The following DMD variants were observed in gnomAD, a reference collection of about 807,000 sequenced individuals.
DMD encodes dystrophin, also known as mutant dystrophin.
DMD carries 63 observed loss-of-function variants against 330.1 expected under a neutral mutation model. The observed-to-expected ratio is 0.19, with a 90% CI of 0.16 to 0.24. The LOEUF (loss-of-function observed/expected upper bound fraction) is 0.24, where lower values mean the gene tolerates loss of function less well. Among genes scored for constraint, DMD ranks in the 10% least tolerant of loss-of-function variants. The pLI, the probability that DMD is intolerant of heterozygous loss-of-function variation, is 1.00. For synonymous variants in DMD, 1,223 were observed against 959.8 expected, an observed-to-expected ratio of 1.27 and a Z score of -5.07; for missense variants, 3,344 against 2,684.1, an observed-to-expected ratio of 1.25 and a Z score of -5.43.
intron 62 of DMD, among the ~76,000 whole-genome samples, chrX:31,311,058 G>A (rs1396958871): frequency 3.6e-5 from 4 of 111,696 alleles, no homozygotes; most frequent in Non-Finnish European, 7.5e-5. Context: ...ATATCATTCT[G>A]CAATAAGAAT....
In DMD at chrX:32,586,406, G is replaced by A. The variant is rs1329831662; in HGVS notation, c.1602+9351C>T. Among the ~76,000 whole-genome samples the A allele has an allele frequency of 3.7e-5, 4 of 108,159 alleles. No individual in the cohort carries two copies. In the East Asian group the frequency reaches 1.2e-3, roughly 31 times the overall value. The allele number at this position is 108,159 out of a possible 115,157, so 93.9% of individuals were successfully genotyped here. ...TGTTCTAGAAGAGAAAAATATTTAT[G>A]TACTAATGCAATTGAGTGGGACAGG... On this transcript the variant is annotated intron_variant, in intron 13 of 78. Transcript: ENST00000357033.
At chrX:31,309,386 T>C (rs1471825407) in intron 62 of DMD, among the ~76,000 whole-genome samples, 2 of 112,222 alleles carry the variant, frequency 1.8e-5, no homozygotes, top group Non-Finnish European at 3.8e-5. Context: ...GGTAGACATG[T>C]ATAACTGTTA....
At chrX:31,754,842 A>C (rs2088918894) in intron 51 of DMD, among the ~76,000 whole-genome samples, 2 of 111,537 alleles carry the variant, frequency 1.8e-5, no homozygotes, top group African/African-American at 6.5e-5. Context: ...AATTGACACC[A>C]AATGGTTGCC....
At chrX:32,710,987 A>C (rs1372018290) in intron 7 of DMD, among the ~76,000 whole-genome samples, 2 of 111,829 alleles carry the variant, frequency 1.8e-5, no homozygotes, top group African/African-American at 6.5e-5. Flanking sequence ...CTAATATATA[A>C]CTATAATATG....
At position 31,852,620 on chromosome X, in the gene DMD, C is replaced by T. The variant is rs374740381; in HGVS notation, c.7099-15801G>A. 8.1e-5 allele frequency among the ~76,000 whole-genome samples: 9 copies of T among 111,337 alleles called. No individual in the cohort carries two copies. The East Asian group carries it at 2.5e-3, about 31-fold the overall frequency. The stretch of plus-strand genomic sequence containing the variant: ...TGGCCTTTTAAAGAAAAAAGTTGGC[C>T]AACACTGATGTAGAGAAACGGTTAG... On this transcript the variant is annotated intron_variant, in intron 48 of 78. Coordinates refer to ENST00000357033, the MANE Select transcript of DMD (RefSeq NM_004006.3).
intron 30 of DMD, among the ~76,000 whole-genome samples, chrX:32,398,283 T>C (rs2098060761): frequency 1.1e-5 from 1 of 90,423 alleles, no homozygotes; most frequent in Admixed American, 1.3e-4. Context: ...CCAAGTAGAG[T>C]TACTTAGAAA....
intron 1 of DMD, among the ~76,000 whole-genome samples, chrX:33,069,770 T>C (rs2094717698): frequency 8.9e-6 from 1 of 111,790 alleles, no homozygotes; most frequent in Non-Finnish European, 1.9e-5. Flanking sequence ...GGGCTAAGTA[T>C]TATGGTTAAG....
chrX:33,230,805 C>T (rs189463639), intron 1 of DMD, among the ~76,000 whole-genome samples: 12 of 111,054 alleles, frequency 1.1e-4, no homozygotes, highest in African/African-American at 3.3e-4. Context: ...GCCACTTAAC[C>T]AACGTGCTAA....
At chrX:32,750,484 A>G (rs1248303700) in intron 7 of DMD, among the ~76,000 whole-genome samples, 1 of 111,691 alleles carries the variant, frequency 9.0e-6, no homozygotes, top group Non-Finnish European at 1.9e-5. Flanking sequence ...AATTTATAAC[A>G]GATTGCTATA....
intron 1 of DMD, among the ~76,000 whole-genome samples, chrX:33,264,460 T>C (rs757130578): frequency 9.0e-6 from 1 of 110,802 alleles, no homozygotes; most frequent in South Asian, 3.8e-4. Context: ...CTTTCAGTTT[T>C]TACCGCCTAA....
chrX:32,318,660 A>C (rs1165169374), intron 41 of DMD, among the ~76,000 whole-genome samples: 2 of 111,797 alleles, frequency 1.8e-5, no homozygotes, highest in East Asian at 5.6e-4. Context: ...TGTCCATCTC[A>C]GAATAATTAT....
intron 60 of DMD, among the ~76,000 whole-genome samples, chrX:31,370,067 C>G (rs1174351072): frequency 2.1e-5 from 2 of 97,505 alleles, no homozygotes; most frequent in Non-Finnish European, 4.1e-5. Flanking sequence ...CCACTGCACT[C>G]CAAGCTGGGC....
intron 62 of DMD, among the ~76,000 whole-genome samples, chrX:31,301,015 T>C (rs930491133): frequency 5.4e-5 from 6 of 112,100 alleles, no homozygotes. Flanking sequence ...CCTGAGCATT[T>C]GGATCCCTGG....
chrX:31,964,472 G>A lies in DMD; in HGVS notation c.6614+3867C>T, dbSNP rs1300326954. On this transcript the variant is annotated intron_variant, in intron 45 of 78. Coordinates refer to ENST00000357033, the MANE Select transcript of DMD (RefSeq NM_004006.3). ...AATAATGCAGTATTATATTTAATTT[G>A]GAGGAGAGCATAATAAACAGGCATG... Among the ~76,000 whole-genome samples the A allele has an allele frequency of 4.5e-5, 5 of 111,592 alleles. No homozygotes were observed. The South Asian group carries it at 1.8e-3, about 41-fold the overall frequency.
At chrX:32,595,154 C>A (rs1038339686) in intron 13 of DMD, among the ~76,000 whole-genome samples, 2 of 111,348 alleles carry the variant, frequency 1.8e-5, no homozygotes, top group African/African-American at 3.3e-5. Flanking sequence ...AGAGTTTAAG[C>A]AAATTAGGGA....
chrX:31,281,503 T>G (rs1432639813), intron 62 of DMD, among the ~76,000 whole-genome samples: 1 of 112,043 alleles, frequency 8.9e-6, no homozygotes, highest in Non-Finnish European at 1.9e-5. Flanking sequence ...AGGATTTTGT[T>G]GCTCATCAAC....
chrX:32,235,520 A>AT (rs200100556), intron 43 of DMD, among the ~76,000 whole-genome samples: 1,509 of 110,524 alleles, frequency 0.014, 24 homozygotes, highest in African/African-American at 0.047. Context: ...AAAATACTAT[A>AT]TTTTTTTCAT....
At chrX:32,429,091 CAATG>C (rs1452639340) in intron 29 of DMD, among the ~76,000 whole-genome samples, 1 of 109,911 alleles carries the variant, frequency 9.1e-6, no homozygotes, top group Admixed American at 9.8e-5. Flanking sequence ...TTCTTAAAAA[CAATG>C]TATTTTGAAT....
chrX:32,333,658 T>G (rs986542142), intron 41 of DMD, among the ~76,000 whole-genome samples: 3 of 111,643 alleles, frequency 2.7e-5, no homozygotes, highest in Non-Finnish European at 5.7e-5. Flanking sequence ...TTGAAAATCC[T>G]AAGCTATTAT....
Sources: allele counts gnomAD v4.1 joint callset (sites outside exome capture counted in the v4.1 genomes callset), GRCh38; gene constraint gnomAD v4.1.1; transcripts MANE v1.5; gene names NCBI Gene and HGNC (gene_info 2026-07-23, HGNC 2026-07-21).